RICTOR: variants seen among roughly 807,000 people sequenced by gnomAD.
The protein encoded by RICTOR is RPTOR independent companion of MTOR complex 2, also known as rapamycin-insensitive companion of mTOR.
RICTOR carries 49 observed loss-of-function variants against 214.9 expected under a neutral mutation model. The ratio of observed to expected loss-of-function variants is 0.23; its 90% CI spans 0.18 to 0.29. The LOEUF is 0.29. Ranked by LOEUF, RICTOR falls within the 10% of genes least tolerant of loss-of-function variation. RICTOR has a pLI of 1.00. For missense variants in RICTOR, 1,625 were observed against 2,047.0 expected (o/e 0.79, Z 3.98); for synonymous variants, 717 against 711.3 (o/e 1.01, Z -0.13).
Position 39,021,027 on chromosome 5 carries a change from C to T in RICTOR, c.195+12G>A. On this transcript the variant is annotated intron_variant, in intron 3 of 37. Transcript: ENST00000357387. Reference sequence around the variant, plus strand: ...AGAATTTTAGACAATAATAAAAATTCAAGTTACTTACCTTAGTAAAGTTAT... The same window carrying T: ...AGAATTTTAGACAATAATAAAAATTTAAGTTACTTACCTTAGTAAAGTTAT... The T allele has an allele frequency of 7.8e-7, 1 of 1,287,178 alleles. No individual in the cohort carries two copies. The highest frequency in any genetic ancestry group is 1.1e-6 in the Non-Finnish European group (1 of 882,042). The allele number at this position is 1,287,178 out of a possible 1,614,324, so 79.7% of individuals were successfully genotyped here.
intron 3 of RICTOR, among the ~76,000 whole-genome samples, chr5:39,020,187 C>T (rs1379350746): frequency 6.6e-6 from 1 of 152,168 alleles, no homozygotes; most frequent in African/African-American, 2.4e-5. Flanking sequence ...ATGCTATGAA[C>T]ACTGTTGAAA....
At position 38,941,348 on chromosome 5, in the gene RICTOR, C is replaced by A. The variant is rs1049846427; in HGVS notation, c.*956G>T. 2 of 231,498 alleles carry A rather than the reference C, an allele frequency of 8.6e-6. No homozygotes were observed. The highest frequency in any genetic ancestry group is 4.4e-5 in the African/African-American group (2 of 45,218). The allele number at this position is 231,498 out of a possible 1,614,324, so 14.3% of individuals were successfully genotyped here. On this transcript the variant is annotated 3_prime_UTR_variant, in exon 38 of 38. Coordinates refer to ENST00000357387, the MANE Select transcript of RICTOR (RefSeq NM_152756.5). ...ATGTTTTTTTTAAGGAAATATGGCTCTTCTTTCCCCATGGAATGTGTAAAT... is the reference window on the plus strand; with the variant it reads ...ATGTTTTTTTTAAGGAAATATGGCTATTCTTTCCCCATGGAATGTGTAAAT...
chr5:38,997,146 T>A (rs527471520), intron 5 of RICTOR, among the ~76,000 whole-genome samples: 2 of 152,222 alleles, frequency 1.3e-5, no homozygotes, highest in African/African-American at 4.8e-5. Flanking sequence ...CATCTATTCA[T>A]AAAGAAAGAA....
chr5:38,954,860 A>G lies in RICTOR; in HGVS notation c.2611T>C (p.Leu871=), dbSNP rs764923072. 1.1e-5 allele frequency: 17 copies of G among 1,512,240 alleles called. No homozygotes were observed. The highest frequency in any genetic ancestry group is 1.6e-5 in the Non-Finnish European group (17 of 1,090,290). 93.7% of individuals were successfully genotyped at this position (1,512,240 alleles called of 1,614,324 possible). A position where few individuals can be genotyped will look rare whatever the true frequency, so the allele number is the denominator to read the frequency against. The change falls in exon 27 of 38, where the codon TTA becomes CTA. Residue 871 remains leucine (L), a splice_region_variant and synonymous_variant. Coordinates refer to ENST00000357387, the MANE Select transcript of RICTOR (RefSeq NM_152756.5). ...DNYVRRSNQR[L]QRPHVYLPIH... ...GGCAGGTAGACGTGAGGACGCTGTA[A>G]TCTAGTATAATAAAGATGATTACTA...
At chr5:39,042,817 T>C (rs190276753) in intron 2 of RICTOR, among the ~76,000 whole-genome samples, 1 of 152,300 alleles carries the variant, frequency 6.6e-6, no homozygotes, top group African/African-American at 2.4e-5. Flanking sequence ...CTTTAAAATA[T>C]ACCAAATTCT....
At chr5:38,974,674 G>A (rs540923089) in intron 10 of RICTOR, among the ~76,000 whole-genome samples, 1 of 152,134 alleles carries the variant, frequency 6.6e-6, no homozygotes, top group Non-Finnish European at 1.5e-5. Context: ...TTGTCCATCA[G>A]CATAAGGAAA....
At chr5:38,979,442 A>G (rs1158948200) in intron 8 of RICTOR, among the ~76,000 whole-genome samples, 1 of 152,170 alleles carries the variant, frequency 6.6e-6, no homozygotes, top group East Asian at 1.9e-4. Flanking sequence ...ATCTAGTCAT[A>G]TATTTACTTT....
rs557336884 is a variant in RICTOR, at chr5:39,050,200, A to G, written c.97+23911T>C. Reference sequence around the variant, plus strand: ...TAAATATAAACAAATAAATAAATAAATATATATATATATAAAGTATGCTGA... The same window carrying G: ...TAAATATAAACAAATAAATAAATAAGTATATATATATATAAAGTATGCTGA... On this transcript the variant is annotated intron_variant, in intron 2 of 37. Coordinates refer to ENST00000357387, the MANE Select transcript of RICTOR (RefSeq NM_152756.5). Among the ~76,000 whole-genome samples, 4 of 130,936 alleles carry G rather than the reference A, an allele frequency of 3.1e-5. No individual in the cohort carries two copies. In the East Asian group the frequency reaches 1.1e-3, roughly 34 times the overall value. 85.9% of individuals were successfully genotyped at this position (130,936 alleles called of 152,430 possible).
intron 2 of RICTOR, among the ~76,000 whole-genome samples, chr5:39,043,827 T>C (rs1324731687): frequency 6.6e-6 from 1 of 152,080 alleles, no homozygotes; most frequent in East Asian, 1.9e-4. Flanking sequence ...CGACCTGAGC[T>C]AGCACATTAG....
At chr5:38,972,945 C>A in intron 10 of RICTOR, among the ~76,000 whole-genome samples, 1 of 149,114 alleles carries the variant, frequency 6.7e-6, no homozygotes, top group African/African-American at 2.5e-5. Flanking sequence ...GAACATATTA[C>A]TGATATATAC....
intron 2 of RICTOR, among the ~76,000 whole-genome samples, chr5:39,044,686 T>A (rs1252953987): frequency 6.6e-6 from 1 of 152,190 alleles, no homozygotes; most frequent in Non-Finnish European, 1.5e-5. Flanking sequence ...TAATTAACAA[T>A]GCAATAGCAT....
intron 2 of RICTOR, among the ~76,000 whole-genome samples, chr5:39,034,892 G>C (rs1284078157): frequency 3.9e-5 from 6 of 152,238 alleles, no homozygotes; most frequent in Non-Finnish European, 8.8e-5. Context: ...TCTGGGGGCA[G>C]GGCACAGACA....
chr5:38,981,980 T>C lies in RICTOR; in HGVS notation c.640A>G (p.Asn214Asp), dbSNP rs1351717836. The C allele has an allele frequency of 6.2e-7, 1 of 1,613,472 alleles. No individual in the cohort carries two copies. Among genetic ancestry groups the C allele is most frequent in the Admixed American group, 1.7e-5 (1 of 60,008 alleles). The change falls in exon 8 of 38, where the codon AAT becomes GAT. Residue 214 changes from asparagine to aspartate, a missense_variant. Physicochemically the swap from Asn to Asp is conservative, Grantham distance 23. Transcript: ENST00000357387. ...CGACTTAATTGGCAATCGATCACAT[T>C]TTTCAAGATGGTGTTTAGTCCACCT... ...LRGGLNTILK[N>D]VIDCQLSRIN...
In RICTOR at chr5:39,074,345, C is replaced by T. The variant is rs950504759; in HGVS notation, c.33G>A (p.Lys11=). 2 of 1,538,576 alleles carry T rather than the reference C, an allele frequency of 1.3e-6. No homozygotes were observed. Among genetic ancestry groups the T allele is most frequent in the Non-Finnish European group, 1.8e-6 (2 of 1,141,388 alleles). MAAIGRGRSL[K]NLRVRGRNDS... The stretch of plus-strand genomic sequence containing the variant: ...CGGGCTTACCTCGTACTCGGAGGTT[C>T]TTCAGAGAGCGGCCGCGGCCGATCG... Residue 11 remains lysine (K), a synonymous_variant, in exon 1 of 38, where the codon AAG becomes AAA. Transcript: ENST00000357387.
Position 38,971,924 on chromosome 5 carries a change from T to A in RICTOR, c.925A>T (p.Ile309Phe). The A allele has an allele frequency of 4.1e-6, 6 of 1,473,358 alleles. No individual in the cohort carries two copies. Among genetic ancestry groups the A allele is most frequent in the Non-Finnish European group, 5.7e-6 (6 of 1,056,440 alleles). 91.3% of individuals were successfully genotyped at this position (1,473,358 alleles called of 1,614,324 possible). A position where few individuals can be genotyped will look rare whatever the true frequency, so the allele number is the denominator to read the frequency against. ...INLCKPGNSG[I>F]QSLIGVLCIP... is the part of the protein sequence containing the mutation. ...CAAAGTACTCCTATTAGAGACTGGA[T>A]CCCAGAATTTCCAGGTTTACATAAA... Residue 309 changes from isoleucine to phenylalanine, a missense_variant, in exon 11 of 38, where the codon ATC becomes TTC. Coordinates refer to ENST00000357387, the MANE Select transcript of RICTOR (RefSeq NM_152756.5).
intron 36 of RICTOR, among the ~76,000 whole-genome samples, chr5:38,943,476 G>A (rs1747822866): frequency 6.6e-6 from 1 of 151,940 alleles, no homozygotes; most frequent in Non-Finnish European, 1.5e-5. Context: ...GTGGGACCCT[G>A]ATACCTATGT....
At chr5:39,040,782 T>A (rs545025848) in intron 2 of RICTOR, among the ~76,000 whole-genome samples, 1 of 152,326 alleles carries the variant, frequency 6.6e-6, no homozygotes, top group South Asian at 2.1e-4. Flanking sequence ...GTATTTCAAT[T>A]TCTATGTTTT....
Position 38,946,474 on chromosome 5 carries a change from C to A in RICTOR, c.4393G>T (p.Ala1465Ser), listed in dbSNP as rs1748208894. The change falls in exon 33 of 38, where the codon GCA becomes TCA. Residue 1465 changes from alanine (A) to serine (S), a missense_variant. Physicochemically the swap from Ala to Ser is moderately conservative, Grantham distance 99. This residue lies in a region of RICTOR where 1,214 missense variants were observed against 1,470.5 expected (regional missense o/e 0.83). Coordinates refer to ENST00000357387, the MANE Select transcript of RICTOR (RefSeq NM_152756.5). ...ACAATGCACAATGCATTACCTCCTG[C>A]ATCATGGGCAAATGCTCTTGCACCT... is the stretch of plus-strand genomic sequence containing the variant. ...DRGARAFAHDAGGLPSGTGGL... is the reference protein window; with the variant it reads ...DRGARAFAHDSGGLPSGTGGL... 6.2e-7 allele frequency: 1 copy of A among 1,601,468 alleles called. No individual in the cohort carries two copies. Among genetic ancestry groups the A allele is most frequent in the East Asian group, 2.2e-5 (1 of 44,728 alleles).
chr5:39,050,923 TAA>T (rs747366951), intron 2 of RICTOR, among the ~76,000 whole-genome samples: 16 of 152,294 alleles, frequency 1.1e-4, no homozygotes, highest in South Asian at 4.1e-4. Flanking sequence ...ATATTTTTAA[TAA>T]GTCTGATAAT....
Sources: allele counts gnomAD v4.1 joint callset (sites outside exome capture counted in the v4.1 genomes callset), GRCh38; gene constraint gnomAD v4.1.1; regional missense constraint gnomAD v4.1.1; transcripts MANE v1.5; gene names NCBI Gene and HGNC (gene_info 2026-07-23, HGNC 2026-07-21).